Variants in RGS6 observed in about 807,000 individuals in gnomAD.
RGS6 encodes regulator of G-protein signaling 6.
A neutral mutation model predicts 78.5 loss-of-function variants in RGS6; 30 were observed. That is an observed-to-expected ratio of 0.38 (90% CI 0.29 to 0.52). RGS6 has a LOEUF of 0.52. Ranked by LOEUF, RGS6 falls within the 20% of genes least tolerant of loss-of-function variation. The probability of loss-of-function intolerance (pLI) is 0.85; values close to 1 mark genes in which losing one functional copy is unlikely to be tolerated. For synonymous variants in RGS6, 206 were observed against 206.0 expected, an observed-to-expected ratio of 1.00 and a Z score of 0.00; for missense variants, 495 against 609.7, an observed-to-expected ratio of 0.81 and a Z score of 1.98.
chr14:72,457,650 T>C (rs1045258027), intron 4 of RGS6, among the ~76,000 whole-genome samples: 29 of 152,212 alleles, frequency 1.9e-4, no homozygotes, highest in Non-Finnish European at 3.2e-4. Flanking sequence ...ACAGATTGAC[T>C]GTGGCAAAAA....
rs144472952 is a variant in RGS6, at chr14:72,426,620, C to T, written c.185-27908C>T. ...AGTTAGGATTTAAACAGTTTTAGTC[C>T]GAATCCCTTGCTCTGTCTACTTCAG... On this transcript the variant is annotated intron_variant, in intron 3 of 17. Transcript: ENST00000553525. Among the ~76,000 whole-genome samples the T allele has an allele frequency of 1.2e-4, 18 of 152,262 alleles. No individual in the cohort carries two copies. In the East Asian group the frequency reaches 1.7e-3, roughly 15 times the overall value.
chr14:72,284,380 A>G (rs1340661503), intron 2 of RGS6, among the ~76,000 whole-genome samples: 1 of 152,144 alleles, frequency 6.6e-6, no homozygotes, highest in Non-Finnish European at 1.5e-5. Flanking sequence ...TGCTATGTGC[A>G]GCTTAGGGAC....
intron 2 of RGS6, among the ~76,000 whole-genome samples, chr14:72,344,395 GC>G (rs2077591012): frequency 6.6e-6 from 1 of 152,128 alleles, no homozygotes; most frequent in South Asian, 2.1e-4. Context: ...TGCCTTTGGA[GC>G]TTTTCCTTGA....
chr14:72,549,216 A>G (rs1280531536), intron 17 of RGS6, among the ~76,000 whole-genome samples: 1 of 151,900 alleles, frequency 6.6e-6, no homozygotes, highest in Non-Finnish European at 1.5e-5. Flanking sequence ...TGCCCTTCAC[A>G]TGTCATCCTT....
At chr14:72,412,683 G>C (rs12436232) in intron 3 of RGS6, among the ~76,000 whole-genome samples, 4 of 151,938 alleles carry the variant, frequency 2.6e-5, no homozygotes, top group South Asian at 4.2e-4. Flanking sequence ...TAGACCTTTC[G>C]TGCTTTCTCT....
At chr14:72,527,675 G>C (rs1473223521) in intron 15 of RGS6, among the ~76,000 whole-genome samples, 1 of 152,166 alleles carries the variant, frequency 6.6e-6, no homozygotes, top group Admixed American at 6.5e-5. Flanking sequence ...AATCATTTTT[G>C]TAGTGCTTCC....
the RGS6 span, among the ~76,000 whole-genome samples, chr14:71,910,749 G>A: frequency 6.6e-6 from 1 of 152,152 alleles, no homozygotes; most frequent in Non-Finnish European, 1.5e-5. Flanking sequence ...GAGAGTGTGG[G>A]ATGTTTAGGA....
the RGS6 span, among the ~76,000 whole-genome samples, chr14:72,575,244 G>T: frequency 1.3e-5 from 2 of 152,062 alleles, no homozygotes; most frequent in Non-Finnish European, 2.9e-5. Flanking sequence ...GACTGGAGAG[G>T]CATACAAGGG....
At chr14:72,440,084 A>G (rs912235721) in intron 3 of RGS6, among the ~76,000 whole-genome samples, 1 of 152,078 alleles carries the variant, frequency 6.6e-6, no homozygotes, top group African/African-American at 2.4e-5. Flanking sequence ...GCTTTCTACA[A>G]ATGTGTCTAT....
chr14:72,247,439 T>A (rs1162708751), intron 2 of RGS6, among the ~76,000 whole-genome samples: 1 of 152,224 alleles, frequency 6.6e-6, no homozygotes, highest in Non-Finnish European at 1.5e-5. Context: ...CAGGTTTTTC[T>A]AAAACTTCGG....
chr14:72,558,255 C>T (rs1378779754), intron 17 of RGS6, among the ~76,000 whole-genome samples: 1 of 152,122 alleles, frequency 6.6e-6, no homozygotes, highest in Non-Finnish European at 1.5e-5. Context: ...AGCAGATCAG[C>T]AAAAGAATCT....
chr14:72,509,290 G>A (rs903565928), intron 13 of RGS6, among the ~76,000 whole-genome samples: 3 of 151,722 alleles, frequency 2.0e-5, no homozygotes, highest in Non-Finnish European at 4.4e-5. Context: ...GCTTGAACCC[G>A]GCGGGCAGAG....
intron 12 of RGS6, 135 bp downstream of exon 12, chr14:72,478,464 AC>A (rs1461039382): frequency 3.1e-6 from 2 of 654,656 alleles, no homozygotes; most frequent in African/African-American, 3.6e-5. Context: ...GTGCAGAAAA[AC>A]CCACAGGCTC....
chr14:72,055,545 G>A (rs1031315795), intron 2 of RGS6, among the ~76,000 whole-genome samples: 1 of 152,028 alleles, frequency 6.6e-6, no homozygotes, highest in Non-Finnish European at 1.5e-5. Context: ...TGAAAACCTT[G>A]CCTCTGCACA....
intron 3 of RGS6, among the ~76,000 whole-genome samples, chr14:72,365,093 C>G (rs761061192): frequency 2.8e-4 from 43 of 152,314 alleles, no homozygotes; most frequent in South Asian, 1.0e-3. Context: ...CCAAATAAAT[C>G]AACAAACACA....
chr14:71,997,077 T>TTGA (rs138970451), intron 2 of RGS6, among the ~76,000 whole-genome samples: 25,232 of 152,072 alleles, frequency 0.17, 2,144 homozygotes, highest in East Asian at 0.21. Context: ...TGCAGCAATC[T>TTGA]TGAGAGATGG....
chr14:72,059,468 G>A (rs1459330638), intron 2 of RGS6, among the ~76,000 whole-genome samples: 2 of 152,162 alleles, frequency 1.3e-5, no homozygotes, highest in Non-Finnish European at 2.9e-5. Context: ...TCATTTAACT[G>A]TGAGGTATCC....
intron 3 of RGS6, among the ~76,000 whole-genome samples, chr14:72,420,009 G>T (rs1465712189): frequency 1.3e-5 from 2 of 152,254 alleles, no homozygotes; most frequent in African/African-American, 4.8e-5. Context: ...CGAACATGGG[G>T]AGGGAGGTGT....
At chr14:71,878,552 G>T in the RGS6 span, among the ~76,000 whole-genome samples, 2 of 152,186 alleles carry the variant, frequency 1.3e-5, no homozygotes, top group Admixed American at 6.5e-5. Context: ...ATTAGGGTGG[G>T]AGTGACCCAA....
Sources: gnomAD v4.1 joint callset for allele counts (sites outside exome capture counted in the v4.1 genomes callset) on GRCh38, gnomAD v4.1.1 for gene constraint, MANE v1.5 for transcripts, NCBI Gene and HGNC (gene_info 2026-07-23, HGNC 2026-07-21) for gene names.